The following WNT8A variants were observed in gnomAD, a reference collection of about 807,000 sequenced individuals.
WNT8A encodes protein Wnt-8a.
In WNT8A, 14 loss-of-function variants were observed where a neutral mutation model predicts 20.5. The observed-to-expected ratio is 0.68, with a 90% CI of 0.45 to 1.07. The LOEUF is 1.07. WNT8A is among the 50% of genes least tolerant of loss of function. WNT8A has a pLI of 0.00. For missense variants in WNT8A, 397 were observed against 462.9 expected, an observed-to-expected ratio of 0.86 and a Z score of 1.31; for synonymous variants, 167 against 169.2, an observed-to-expected ratio of 0.99 and a Z score of 0.10.
At chr5:138,085,922 T>G (rs1440535792) in intron 2 of WNT8A, among the ~76,000 whole-genome samples, 1 of 143,538 alleles carries the variant, frequency 7.0e-6, no homozygotes, top group South Asian at 2.2e-4. Context: ...ACAGATAGAA[T>G]AGGGAGTATG....
At chr5:138,085,508 G>C (rs1443616698) in intron 2 of WNT8A, among the ~76,000 whole-genome samples, 1 of 152,054 alleles carries the variant, frequency 6.6e-6, no homozygotes, top group Non-Finnish European at 1.5e-5. Context: ...CATTTTTGAA[G>C]ATAACATTCA....
intron 4 of WNT8A, 72 bp from the exon 5 acceptor site, chr5:138,090,456 A>G: frequency 7.3e-7 from 1 of 1,377,680 alleles, no homozygotes; most frequent in Non-Finnish European, 1.0e-6. Context: ...CAGCTCTAAA[A>G]CATTCCCTTT....
At chr5:138,086,978 G>T (rs1369846969) in intron 2 of WNT8A, among the ~76,000 whole-genome samples, 1 of 151,792 alleles carries the variant, frequency 6.6e-6, no homozygotes, top group Non-Finnish European at 1.5e-5. Flanking sequence ...CCTGGAAGGC[G>T]GAGGTTACAG....
intron 4 of WNT8A, 148 bp from the exon 5 acceptor site, chr5:138,090,380 C>A (rs536769000): frequency 2.9e-6 from 2 of 694,840 alleles, no homozygotes; most frequent in Non-Finnish European, 4.8e-6. Flanking sequence ...GAGGTAGGGT[C>A]GAGGAATAAA....
chr5:138,079,880 A>G (rs1246700419), upstream of WNT8A, among the ~76,000 whole-genome samples: 1 of 152,168 alleles, frequency 6.6e-6, no homozygotes, highest in East Asian at 1.9e-4. Flanking sequence ...TCTCCAGGAA[A>G]CCTCTGTCTG....
At chr5:138,091,551 A>G, downstream of WNT8A, 4 of 1,257,878 alleles carry the variant, frequency 3.2e-6, no homozygotes, top group Non-Finnish European at 3.1e-6. Context: ...GGTAAAGACC[A>G]CATATCTGCC....
upstream of WNT8A, among the ~76,000 whole-genome samples, chr5:138,079,231 A>G (rs1750441970): frequency 6.6e-6 from 1 of 151,528 alleles, no homozygotes; most frequent in Admixed American, 6.6e-5. Context: ...TTGCATTTTT[A>G]GGAATTTTGC....
Position 138,090,979 on chromosome 5 carries a change from C to T in WNT8A, c.1016C>T (p.Thr339Met), listed in dbSNP as rs7701579. 396 of 1,614,168 alleles carry T rather than the reference C, an allele frequency of 2.5e-4. No individual in the cohort carries two copies. In the African/African-American group the frequency reaches 3.9e-3, roughly 16 times the overall value. The change falls in exon 5 of 5, where the codon ACG becomes ATG. Residue 339 changes from threonine (T) to methionine (M), a missense_variant. Physicochemically the swap from Thr to Met is moderately conservative, Grantham distance 81 (BLOSUM62 -1). Coordinates refer to ENST00000506684, the MANE Select transcript of WNT8A (RefSeq NM_001300939.2). The part of the protein sequence containing the change: ...SCNCKFQWCC[T>M]VKCDQCRHVV... The stretch of plus-strand genomic sequence containing the variant: ...AACTGCAAATTCCAGTGGTGCTGTA[C>T]GGTCAAGTGTGACCAGTGTAGGCAT...
At chr5:138,086,927 TC>T (rs1750684044) in intron 2 of WNT8A, among the ~76,000 whole-genome samples, 2 of 148,126 alleles carry the variant, frequency 1.4e-5, no homozygotes, top group Non-Finnish European at 3.0e-5. Context: ...GCACCTATAG[TC>T]CCAGCTACTC....
downstream of WNT8A, chr5:138,091,615 A>G (rs1205081227): frequency 7.9e-6 from 6 of 761,404 alleles, no homozygotes; most frequent in Non-Finnish European, 1.1e-5. Context: ...TGCACTTTTG[A>G]AAAGCTCTTC....
At chr5:138,087,954 G>C in intron 3 of WNT8A, 23 bp downstream of exon 3, 2 of 1,612,076 alleles carry the variant, frequency 1.2e-6, no homozygotes, top group Non-Finnish European at 1.7e-6. Flanking sequence ...TTCTAATGGG[G>C]GTGGGAAGAG....
At chr5:138,088,367 T>C (rs1177795157) in intron 3 of WNT8A, among the ~76,000 whole-genome samples, 1 of 151,408 alleles carries the variant, frequency 6.6e-6, no homozygotes, top group African/African-American at 2.4e-5. Flanking sequence ...ACCTTTTTTT[T>C]TTTTTTTGAG....
chr5:138,089,123 T>C (rs1750767659), intron 4 of WNT8A, 54 bp downstream of exon 4: 8 of 1,579,732 alleles, frequency 5.1e-6, no homozygotes, highest in Non-Finnish European at 6.0e-6. Context: ...TGCCCGGCCC[T>C]TCACAATTTA....
At chr5:138,081,225 C>CA (rs57340449), upstream of WNT8A, among the ~76,000 whole-genome samples, 12 of 122,252 alleles carry the variant, frequency 9.8e-5, no homozygotes, top group African/African-American at 3.7e-4. Context: ...GACTCTGTCT[C>CA]AAAAAAAAAA....
intron 3 of WNT8A, 85 bp from the exon 4 acceptor site, chr5:138,088,842 C>A (rs1413125580): frequency 1.3e-6 from 2 of 1,547,314 alleles, no homozygotes; most frequent in African/African-American, 1.4e-5. Flanking sequence ...TAGCTTTACA[C>A]TCTAGGGCTC....
At chr5:138,087,498 C>T (rs1561575873) in intron 2 of WNT8A, among the ~76,000 whole-genome samples, 1 of 150,428 alleles carries the variant, frequency 6.6e-6, no homozygotes, top group Non-Finnish European at 1.5e-5. Flanking sequence ...ACTAGAAATA[C>T]AAAAATTAGC....
chr5:138,091,843 A>ACTGAGACCC (rs1750867323), downstream of WNT8A, among the ~76,000 whole-genome samples: 1 of 49,700 alleles, frequency 2.0e-5, no homozygotes, highest in Non-Finnish European at 5.0e-5. Flanking sequence ...AAATAAATAA[A>ACTGAGACCC]TAAATAAATA....
intron 2 of WNT8A, among the ~76,000 whole-genome samples, chr5:138,085,579 G>A (rs1012557965): frequency 6.6e-6 from 1 of 152,064 alleles, no homozygotes; most frequent in East Asian, 1.9e-4. Flanking sequence ...AGCACGTGTT[G>A]GAACCATGCC....
At chr5:138,087,993 TAA>T in intron 3 of WNT8A, 62 bp downstream of exon 3, 1 of 1,597,050 alleles carries the variant, frequency 6.3e-7, no homozygotes, top group Non-Finnish European at 8.5e-7. Flanking sequence ...GAGTGCAGAC[TAA>T]AGTCTTCCAG....
Sources: gnomAD v4.1 joint callset for allele counts (sites outside exome capture counted in the v4.1 genomes callset) on GRCh38, gnomAD v4.1.1 for gene constraint, MANE v1.5 for transcripts, NCBI Gene and HGNC (gene_info 2026-07-23, HGNC 2026-07-21) for gene names.